Variants in MDC1 observed in about 807,000 individuals in gnomAD.
MDC1 encodes the protein mediator of DNA damage checkpoint protein 1.
In MDC1, 81 loss-of-function variants were observed where a neutral mutation model predicts 142.5. That is an observed-to-expected ratio of 0.57 (90% CI 0.47 to 0.68). The LOEUF is 0.68. Among genes scored for constraint, MDC1 ranks in the 30% least tolerant of loss-of-function variants. MDC1 has a pLI of 0.00. For synonymous variants in MDC1, 797 were observed against 968.4 expected, an observed-to-expected ratio of 0.82 and a Z score of 3.29; for missense variants, 2,119 against 2,547.9, an observed-to-expected ratio of 0.83 and a Z score of 3.62.
rs1413750554 is a variant in MDC1, at chr6:30,711,738, G to A, written c.2069-12C>T. The A allele has an allele frequency of 6.2e-7, 1 of 1,611,400 alleles. No individual in the cohort carries two copies. Among genetic ancestry groups the A allele is most frequent in the Admixed American group, 1.7e-5 (1 of 59,646 alleles). ...CAGATCTTCAGAATCTGGTCGGGGA[G>A]GAATATAAGACAGTTTAAAACAAAA... On this transcript the variant is annotated splice_polypyrimidine_tract_variant and intron_variant, in intron 5 of 14. Transcript: ENST00000376406.
At position 30,707,895 on chromosome 6, in the gene MDC1, T is replaced by C. The variant is rs528677943; in HGVS notation, c.2684A>G (p.Glu895Gly). 1.2e-6 allele frequency: 2 copies of C among 1,613,108 alleles called. No individual in the cohort carries two copies. The highest frequency in any genetic ancestry group is 1.3e-5 in the African/African-American group (1 of 75,042). The change falls in exon 8 of 15, where the codon GAG becomes GGG. Residue 895 changes from glutamate to glycine, a missense_variant. Physicochemically the swap from Glu to Gly is moderately conservative, Grantham distance 98. Coordinates refer to ENST00000376406, the MANE Select transcript of MDC1 (RefSeq NM_014641.3). ...TTTCTCTTGTATTTCCTCAGATGTC[T>C]CAATTTCTACCTTCAAACTCTCCCT... The part of the protein sequence containing the change: ...RDRESLKVEI[E>G]TSEEIQEKQV...
Position 30,702,674 on chromosome 6 carries a change from G to C in MDC1, c.5992-11C>G, listed in dbSNP as rs1382617302. ...ATAGATCTCATAGCCCTAAGAGAAA[G>C]AAATGATGGAGATGGTATTGTAGAT... is the stretch of plus-strand genomic sequence containing the variant. On this transcript the variant is annotated splice_polypyrimidine_tract_variant and intron_variant, in intron 13 of 14. Transcript: ENST00000376406. The C allele has an allele frequency of 5.0e-6, 8 of 1,611,342 alleles. No individual in the cohort carries two copies. In the African/African-American group the frequency reaches 5.3e-5, roughly 11 times the overall value.
chr6:30,716,694 G>A lies in MDC1; in HGVS notation c.-4+551C>T, dbSNP rs3888776. ...CTCACCCACCTCCAGGACTGGATTA[G>A]GGGAACCGTGTCTTTCCCCTAGGGT... is the stretch of plus-strand genomic sequence containing the variant. On this transcript the variant is annotated intron_variant, in intron 1 of 14. Coordinates refer to ENST00000376406, the MANE Select transcript of MDC1 (RefSeq NM_014641.3). The surrounding 1 kb of genome is among the most constrained non-coding windows in gnomAD (Gnocchi z 4.4). Among the ~76,000 whole-genome samples, 1 of 152,150 alleles carries A rather than the reference G, an allele frequency of 6.6e-6. No individual in the cohort carries two copies. Among genetic ancestry groups the A allele is most frequent in the African/African-American group, 2.4e-5 (1 of 41,410 alleles).
chr6:30,703,688 A>C lies in MDC1; in HGVS notation c.5495T>G (p.Val1832Gly), dbSNP rs1773191068. The C allele has an allele frequency of 6.5e-7, 1 of 1,543,820 alleles. No homozygotes were observed. The highest frequency in any genetic ancestry group is 8.7e-7 in the Non-Finnish European group (1 of 1,150,180). The change falls in exon 10 of 15, where the codon GTC (valine) becomes GGC (glycine). Residue 1832 changes from valine to glycine, a missense_variant. Physicochemically the swap from Val to Gly is moderately radical, Grantham distance 109 (BLOSUM62 -3). Coordinates refer to ENST00000376406, the MANE Select transcript of MDC1 (RefSeq NM_014641.3). The surrounding 1 kb of genome is among the most constrained non-coding windows in gnomAD (Gnocchi z 4.4). ...CTTGATAATCACTGTCTTCTGGGAG[A>C]CTTCCCCTCTTTGGGGCTGTTTTTG... is the stretch of plus-strand genomic sequence containing the variant. ...PHQKQPQRGE[V>G]SQKTVIIKEE... is the part of the protein sequence containing the mutation.
rs1425235048 is a variant in MDC1 at position 30,712,386 on chromosome 6, A to G, written c.1556T>C (p.Val519Ala). 6.2e-7 allele frequency: 1 copy of G among 1,613,090 alleles called. No individual in the cohort carries two copies. Among genetic ancestry groups the G allele is most frequent in the Non-Finnish European group, 8.5e-7 (1 of 1,180,040 alleles). ...CTTCTCCACTTGTGTGTTGATGTCC[A>G]CTGTGGTGGAGGCTTGGCTTCTCTC... ...HLERSQASTT[V>A]DINTQVEKEV... The change falls in exon 5 of 15, where the codon GTG (valine) becomes GCG (alanine). Residue 519 changes from valine (V) to alanine (A), a missense_variant. By Grantham distance (64) the Val-to-Ala change is moderately conservative (BLOSUM62 0). Transcript: ENST00000376406. This position sits in a 1 kb window ranked among gnomAD's most constrained non-coding sequence, Gnocchi z 4.7.
At position 30,713,582 on chromosome 6, in the gene MDC1, T is replaced by C. The variant is rs116541129; in HGVS notation, c.587+66A>G. On this transcript the variant is annotated intron_variant, in intron 4 of 14. Transcript: ENST00000376406. This position sits in a 1 kb window ranked among gnomAD's most constrained non-coding sequence, Gnocchi z 4.9. Reference sequence around the variant, plus strand: ...TCATGATAATCATCTCTTTTAGAGATTGATCCTCCAGCCCCTGGTTCTTCC... The same window carrying C: ...TCATGATAATCATCTCTTTTAGAGACTGATCCTCCAGCCCCTGGTTCTTCC... 0.016 allele frequency: 23,592 copies of C among 1,499,726 alleles called. 340 individuals carry two copies. Among genetic ancestry groups the C allele is most frequent in the Middle Eastern group, 0.058 (326 of 5,636 alleles). 92.9% of individuals were successfully genotyped at this position (1,499,726 alleles called of 1,614,324 possible).
In MDC1 at chr6:30,712,202, ATC is replaced by A; in HGVS notation, c.1738_1739del (p.Asp580CysfsTer36). 5 of 1,612,940 alleles carry A rather than the reference ATC, an allele frequency of 3.1e-6. No individual in the cohort carries two copies. Among genetic ancestry groups the A allele is most frequent in the South Asian group, 1.1e-5 (1 of 91,084 alleles). On this transcript the variant is annotated frameshift_variant, in exon 5 of 15. Coordinates refer to ENST00000376406, the MANE Select transcript of MDC1 (RefSeq NM_014641.3). LOFTEE classifies it high-confidence loss of function. This position sits in a 1 kb window ranked among gnomAD's most constrained non-coding sequence, Gnocchi z 4.7. ...CTGTTAGGGAGGTGCCCTCCTCTGCATCTGTTTCACAGTCCCCATGCAGAGGC... is the reference window on the plus strand; with the variant it reads ...CTGTTAGGGAGGTGCCCTCCTCTGCATGTTTCACAGTCCCCATGCAGAGGC... Reference protein sequence around the residue: ...AWPLHGDCETDAEEGTSLTAS... With the variant: ...AWPLHGDCETXAEEGTSLTAS...
chr6:30,712,881 T>C lies in MDC1; in HGVS notation c.1061A>G (p.His354Arg), dbSNP rs144987547. The change falls in exon 5 of 15, where the codon CAT becomes CGT. Residue 354 changes from histidine (H) to arginine (R), a missense_variant. Transcript: ENST00000376406. The surrounding 1 kb of genome is among the most constrained non-coding windows in gnomAD (Gnocchi z 4.7). ...VIPMKKRKIF[H>R]GVGTRGPGAP... ...TCCAGGACCCCTTGTACCTACTCCA[T>C]GGAAGATCTTCCTCTTCTTCATAGG... 3.4e-5 allele frequency: 55 copies of C among 1,612,964 alleles called. No individual in the cohort carries two copies. Among genetic ancestry groups the C allele is most frequent in the Non-Finnish European group, 4.5e-5 (53 of 1,180,038 alleles).
Position 30,700,652 on chromosome 6 carries a change from G to A in MDC1, c.6103-20C>T, listed in dbSNP as rs1401801339. 1.2e-6 allele frequency: 2 copies of A among 1,611,358 alleles called. No individual in the cohort carries two copies. Among genetic ancestry groups the A allele is most frequent in the Non-Finnish European group, 1.7e-6 (2 of 1,178,760 alleles). ...CTGAGGCTGGGGAAGACAGAGCAAAGGCAAAATCAGGTGAAAAAGAATCCT... is the reference window on the plus strand; with the variant it reads ...CTGAGGCTGGGGAAGACAGAGCAAAAGCAAAATCAGGTGAAAAAGAATCCT... On this transcript the variant is annotated intron_variant, in intron 14 of 14. Transcript: ENST00000376406.
chr6:30,707,568 T>G lies in MDC1; in HGVS notation c.3011A>C (p.Lys1004Thr). The change falls in exon 8 of 15, where the codon AAA becomes ACA. Residue 1004 changes from lysine (K) to threonine (T), a missense_variant and splice_region_variant. Transcript: ENST00000376406. ...GSPVSPRRHQ[K>T]GLLNCKMPPA... Reference sequence around the variant, plus strand: ...GGTTCCCCTCTGCCTTCACTTACCTTTCTGATGCCTCCTGGGGCTCACTGG... The same window carrying G: ...GGTTCCCCTCTGCCTTCACTTACCTGTCTGATGCCTCCTGGGGCTCACTGG... 6.2e-7 allele frequency: 1 copy of G among 1,612,178 alleles called. No homozygotes were observed. The highest frequency in any genetic ancestry group is 8.5e-7 in the Non-Finnish European group (1 of 1,179,286).
At chr6:30,714,262 T>A in intron 2 of MDC1, 79 bp from the exon 3 acceptor site, 1 of 1,427,828 alleles carries the variant, frequency 7.0e-7, no homozygotes, top group Non-Finnish European at 9.3e-7. Context: ...TTAGGTACTC[T>A]ACTACTCACT....
In MDC1 at chr6:30,704,836, G is replaced by T; in HGVS notation, c.4347C>A (p.Val1449=). ...AAGGCTGGAGCTCAGGGGCTGTGGG[G>T]ACAACTGTTTCAGGGGTCTTCACAG... ...RSSVKTPETV[V]PTAPELQPST... is the part of the protein sequence containing the mutation. The change falls in exon 10 of 15, where the codon GTC becomes GTA. Residue 1449 remains valine (V), a synonymous_variant. Transcript: ENST00000376406. 6.2e-7 allele frequency: 1 copy of T among 1,606,830 alleles called. No homozygotes were observed. Among genetic ancestry groups the T allele is most frequent in the Non-Finnish European group, 8.5e-7 (1 of 1,177,212 alleles).
At position 30,702,644 on chromosome 6, in the gene MDC1, G is replaced by T. The variant is rs1169849764; in HGVS notation, c.6011C>A (p.Thr2004Asn). ...AGGTGGTGGTGGCTGGACTCCAGGG[G>T]TCACATAGATCTCATAGCCCTAAGA... The part of the protein sequence containing the change: ...RLLEGYEIYV[T>N]PGVQPPPPQM... Residue 2004 changes from threonine (T) to asparagine (N), a missense_variant, in exon 14 of 15, where the codon ACC (threonine) becomes AAC (asparagine). Coordinates refer to ENST00000376406, the MANE Select transcript of MDC1 (RefSeq NM_014641.3). 5 of 1,611,264 alleles carry T rather than the reference G, an allele frequency of 3.1e-6. No individual in the cohort carries two copies. In the African/African-American group the frequency reaches 5.3e-5, roughly 17 times the overall value.
Position 30,704,934 on chromosome 6 carries a change from A to T in MDC1, c.4249T>A (p.Ser1417Thr). ...LVPTAPKLEP[S>T]TSTDQPVTPE... Reference sequence around the variant, plus strand: ...GTGACAGGTTGGTCTGTGGAAGTGGAAGGCTCGAGCTTAGGGGCTGTGGGG... The same window carrying T: ...GTGACAGGTTGGTCTGTGGAAGTGGTAGGCTCGAGCTTAGGGGCTGTGGGG... Residue 1417 changes from serine (S) to threonine (T), a missense_variant, in exon 10 of 15, where the codon TCC becomes ACC. Transcript: ENST00000376406. 2 of 1,604,328 alleles carry T rather than the reference A, an allele frequency of 1.2e-6. No individual in the cohort carries two copies. Among genetic ancestry groups the T allele is most frequent in the Non-Finnish European group, 1.7e-6 (2 of 1,176,244 alleles).
At position 30,708,279 on chromosome 6, in the gene MDC1, G is replaced by A; in HGVS notation, c.2300C>T (p.Pro767Leu). 1 of 1,612,968 alleles carries A rather than the reference G, an allele frequency of 6.2e-7. No homozygotes were observed. The highest frequency in any genetic ancestry group is 8.5e-7 in the Non-Finnish European group (1 of 1,180,024). ...LRESEDSETQ[P>L]FDTHLEAYGP... ...ATAGGCCTCAAGGTGCGTGTCAAAA[G>A]GCTGGGTCTCAGAGTCCTCAGACTC... The change falls in exon 8 of 15, where the codon CCT becomes CTT. Residue 767 changes from proline (P) to leucine (L), a missense_variant. Pro to Leu is a moderately conservative substitution (Grantham distance 98). Transcript: ENST00000376406.
rs150996176 is a variant in MDC1 at position 30,713,969 on chromosome 6, G to A, written c.351C>T (p.Asp117=). 1.9e-4 allele frequency: 314 copies of A among 1,612,840 alleles called. No individual in the cohort carries two copies. The highest frequency in any genetic ancestry group is 2.5e-4 in the Non-Finnish European group (299 of 1,180,000). Reference sequence around the variant, plus strand: ...AGTCAGCAAAGAGAATCAATTCCTGGTCCCTCAGACGGTGACTCACCCCAG... The same window carrying A: ...AGTCAGCAAAGAGAATCAATTCCTGATCCCTCAGACGGTGACTCACCCCAG... ...LSPGVSHRLR[D]QELILFADLL... is the part of the protein sequence containing the mutation. The change falls in exon 3 of 15, where the codon GAC becomes GAT. Residue 117 remains aspartate, a synonymous_variant. Coordinates refer to ENST00000376406, the MANE Select transcript of MDC1 (RefSeq NM_014641.3). The surrounding 1 kb of genome is among the most constrained non-coding windows in gnomAD (Gnocchi z 4.9).
Position 30,712,963 on chromosome 6 carries a change from T to A in MDC1, c.979A>T (p.Ile327Phe). Residue 327 changes from isoleucine (I) to phenylalanine (F), a missense_variant, in exon 5 of 15, where the codon ATC becomes TTC. Coordinates refer to ENST00000376406, the MANE Select transcript of MDC1 (RefSeq NM_014641.3). The surrounding 1 kb of genome is among the most constrained non-coding windows in gnomAD (Gnocchi z 4.7). ...HLERAQPFGF[I>F]DSDTDAEEER... ...TCTTCCGCATCAGTGTCGCTGTCGA[T>A]GAAGCCAAAAGGCTGAGCCCTTTCC... 3 of 1,613,064 alleles carry A rather than the reference T, an allele frequency of 1.9e-6. No homozygotes were observed. The highest frequency in any genetic ancestry group is 2.5e-6 in the Non-Finnish European group (3 of 1,180,010).
chr6:30,714,707 G>A (rs1462839992), intron 2 of MDC1, among the ~76,000 whole-genome samples: 3 of 151,928 alleles, frequency 2.0e-5, no homozygotes, highest in Non-Finnish European at 4.4e-5. Context: ...GTAGAGACAG[G>A]GTTTTGCTAT....
At chr6:30,714,744 A>C (rs536021530) in intron 2 of MDC1, among the ~76,000 whole-genome samples, 10 of 152,190 alleles carry the variant, frequency 6.6e-5, no homozygotes, top group Non-Finnish European at 1.5e-4. Flanking sequence ...TCTAACTCCT[A>C]GTCTCAAGTG....
Sources: allele counts gnomAD v4.1 joint callset (sites outside exome capture counted in the v4.1 genomes callset), GRCh38; gene constraint gnomAD v4.1.1; non-coding constraint Gnocchi (gnomAD v3.1); transcripts MANE v1.5; gene names NCBI Gene and HGNC (gene_info 2026-07-23, HGNC 2026-07-21).